Variants in NRXN3 observed in about 807,000 individuals in gnomAD.
The protein encoded by NRXN3 is neurexin III.
Under a neutral mutation model 137.6 loss-of-function variants are expected in NRXN3, and 32 were observed. That is an observed-to-expected ratio of 0.23 (90% confidence interval 0.18 to 0.31). The LOEUF (loss-of-function observed/expected upper bound fraction) is 0.31, where lower values mean the gene tolerates loss of function less well. Among genes scored for constraint, NRXN3 ranks in the 10% least tolerant of loss-of-function variants. The pLI, the probability that NRXN3 is intolerant of heterozygous loss-of-function variation, is 1.00. For synonymous variants in NRXN3, 798 were observed against 784.5 expected (o/e 1.02, Z -0.29); for missense variants, 1,574 against 2,062.5 (o/e 0.76, Z 4.59).
rs2097343570 is a variant in NRXN3 at position 78,615,924 on chromosome 14, TACTCC to T, written c.758-29194_758-29190del. On this transcript the variant is annotated intron_variant, in intron 4 of 20. Coordinates refer to ENST00000335750, the MANE Select transcript of NRXN3 (RefSeq NM_001330195.2). ...GAAGTAAGCTATGATTAAATCACTA[TACTCC>T]AGCCTGGGTGACAAAGCAAGATCAT... Among the ~76,000 whole-genome samples the T allele has an allele frequency of 2.0e-5, 3 of 152,220 alleles. No individual in the cohort carries two copies. In the South Asian group the frequency reaches 6.2e-4, roughly 32 times the overall value.
chr14:78,433,160 C>T (rs2093950620), intron 4 of NRXN3, among the ~76,000 whole-genome samples: 1 of 152,110 alleles, frequency 6.6e-6, no homozygotes, highest in Non-Finnish European at 1.5e-5. Context: ...AATTCTATGC[C>T]TCACAGTTAT....
At chr14:79,303,486 C>T (rs1303855577) in intron 15 of NRXN3, among the ~76,000 whole-genome samples, 1 of 151,998 alleles carries the variant, frequency 6.6e-6, no homozygotes, top group Admixed American at 6.6e-5. Context: ...TGGGGAATGC[C>T]TTCTTTGCTT....
intron 16 of NRXN3, among the ~76,000 whole-genome samples, chr14:79,634,090 T>C (rs1347729818): frequency 6.6e-6 from 1 of 152,118 alleles, no homozygotes; most frequent in African/African-American, 2.4e-5. Flanking sequence ...CAAAAGTCCA[T>C]CACAAGAAAT....
intron 8 of NRXN3, among the ~76,000 whole-genome samples, chr14:78,778,650 C>A (rs1350300674): frequency 6.6e-6 from 1 of 150,690 alleles, no homozygotes; most frequent in Non-Finnish European, 1.5e-5. Context: ...TCATTTCTTC[C>A]CTTCTTTTCC....
At chr14:79,709,766 T>C (rs548314384) in intron 19 of NRXN3, among the ~76,000 whole-genome samples, 111 of 152,296 alleles carry the variant, frequency 7.3e-4, no homozygotes, top group African/African-American at 2.6e-3. Context: ...GCTGTTCTCA[T>C]GATTAATGCC....
intron 1 of NRXN3, among the ~76,000 whole-genome samples, chr14:78,171,341 A>AGTGT (rs150864901): frequency 9.5e-4 from 137 of 143,554 alleles, no homozygotes; most frequent in Middle Eastern, 7.2e-3. Context: ...TGTGTGTGTG[A>AGTGT]GTGTGTGTGT....
chr14:79,711,082 T>TAAAC (rs918973815), intron 19 of NRXN3, among the ~76,000 whole-genome samples: 22 of 152,354 alleles, frequency 1.4e-4, no homozygotes, highest in African/African-American at 2.4e-4. Context: ...ATTTCAAATG[T>TAAAC]AAACAATATA....
At chr14:79,217,935 CA>C (rs1405772905) in intron 15 of NRXN3, among the ~76,000 whole-genome samples, 1 of 152,154 alleles carries the variant, frequency 6.6e-6, no homozygotes, top group Non-Finnish European at 1.5e-5. Flanking sequence ...CTAATCTAAA[CA>C]GAAATTCATT....
intron 4 of NRXN3, among the ~76,000 whole-genome samples, chr14:78,342,047 A>G (rs533043298): frequency 9.1e-4 from 138 of 152,330 alleles, no homozygotes; most frequent in Admixed American, 1.9e-3. Context: ...TGTGTGAACA[A>G]GATGTTGCTT....
chr14:78,898,044 A>G (rs2099183350), intron 10 of NRXN3, among the ~76,000 whole-genome samples: 1 of 151,936 alleles, frequency 6.6e-6, no homozygotes, highest in Admixed American at 6.6e-5. Context: ...AATCTCATGT[A>G]AAATCTATGC....
rs533412003 is a variant in NRXN3, at chr14:78,714,860, C to T, written c.1765C>T (p.Arg589Cys). 9.9e-6 allele frequency: 16 copies of T among 1,614,160 alleles called. No homozygotes were observed. Among genetic ancestry groups the T allele is most frequent in the African/African-American group, 9.3e-5 (7 of 75,054 alleles). The stretch of plus-strand genomic sequence containing the variant: ...GTACCTGGGAGGGCTGCCGGAGAAC[C>T]GTGCTGGCCTTATTCTCCCCACCGA... ...DMYLGGLPEN[R>C]AGLILPTELW... The change falls in exon 8 of 21, where the codon CGT becomes TGT. Residue 589 changes from arginine to cysteine, a missense_variant. Physicochemically the swap from Arg to Cys is radical, Grantham distance 180. This residue lies in a region of NRXN3 where 718 missense variants were observed against 887.6 expected (regional missense o/e 0.81). Transcript: ENST00000335750.
At chr14:79,007,456 A>C (rs924628097) in intron 15 of NRXN3, among the ~76,000 whole-genome samples, 2 of 127,752 alleles carry the variant, frequency 1.6e-5, no homozygotes, top group Non-Finnish European at 3.4e-5. Flanking sequence ...AAAGTCATGA[A>C]CTTTTTTTTT....
chr14:79,298,565 T>C (rs1598421974), intron 15 of NRXN3, among the ~76,000 whole-genome samples: 1 of 152,078 alleles, frequency 6.6e-6, no homozygotes, highest in East Asian at 1.9e-4. Context: ...ATTTGAAAGA[T>C]AAGGTGTGCT....
At chr14:79,293,772 C>CG (rs2083574819) in intron 15 of NRXN3, among the ~76,000 whole-genome samples, 1 of 152,252 alleles carries the variant, frequency 6.6e-6, no homozygotes, top group Non-Finnish European at 1.5e-5. Flanking sequence ...CACCCCCTCA[C>CG]GGGGTCTCCT....
intron 16 of NRXN3, among the ~76,000 whole-genome samples, chr14:79,474,581 AGG>A (rs1339059688): frequency 6.6e-6 from 1 of 152,120 alleles, no homozygotes; most frequent in African/African-American, 2.4e-5. Flanking sequence ...TTAGGTCAAT[AGG>A]ATAAGTGACC....
At chr14:78,183,444 G>A (rs547047769) in intron 1 of NRXN3, among the ~76,000 whole-genome samples, 9 of 152,208 alleles carry the variant, frequency 5.9e-5, no homozygotes, top group Non-Finnish European at 1.0e-4. Flanking sequence ...TAGGTAGGAA[G>A]AAGTACAGGG....
intron 16 of NRXN3, among the ~76,000 whole-genome samples, chr14:79,551,228 C>T (rs566511037): frequency 6.6e-6 from 1 of 152,320 alleles, no homozygotes; most frequent in Admixed American, 6.5e-5. Context: ...CCCTTCCTTT[C>T]TTTCCCTCTC....
At chr14:79,601,563 C>A (rs1352335486) in intron 16 of NRXN3, among the ~76,000 whole-genome samples, 1 of 152,252 alleles carries the variant, frequency 6.6e-6, no homozygotes, top group Admixed American at 6.5e-5. Context: ...CCTGAACAAG[C>A]CCCCCTTGCT....
intron 4 of NRXN3, among the ~76,000 whole-genome samples, chr14:78,414,454 G>A (rs1273540886): frequency 6.6e-6 from 1 of 152,158 alleles, no homozygotes; most frequent in Non-Finnish European, 1.5e-5. Context: ...TTTTAGACGG[G>A]CAAGTTGGCT....
Sources: gnomAD v4.1 joint callset for allele counts (sites outside exome capture counted in the v4.1 genomes callset) on GRCh38, gnomAD v4.1.1 for gene constraint, gnomAD v4.1.1 regional missense constraint, MANE v1.5 for transcripts, NCBI Gene and HGNC (gene_info 2026-07-23, HGNC 2026-07-21) for gene names.